Variants in NLGN1 observed in about 807,000 individuals in gnomAD.
The protein encoded by NLGN1 is neuroligin-1.
A neutral mutation model predicts 65.5 loss-of-function variants in NLGN1; 12 were observed. The ratio of observed to expected loss-of-function variants is 0.18; its 90% CI spans 0.12 to 0.30. NLGN1 has a LOEUF of 0.30. Ranked by LOEUF, NLGN1 falls within the 10% of genes least tolerant of loss-of-function variation. The pLI is 1.00. For missense variants in NLGN1, 750 were observed against 1,007.1 expected (o/e 0.74, Z 3.46); for synonymous variants, 350 against 359.5 (o/e 0.97, Z 0.30).
chr3:173,681,580 T>C (rs537437803), intron 3 of NLGN1, among the ~76,000 whole-genome samples: 1 of 152,308 alleles, frequency 6.6e-6, no homozygotes, highest in Non-Finnish European at 1.5e-5. Flanking sequence ...GGGAGAAATC[T>C]GCACATCTTC....
chr3:173,651,531 T>A (rs760332874), intron 3 of NLGN1, among the ~76,000 whole-genome samples: 1 of 152,098 alleles, frequency 6.6e-6, no homozygotes, highest in Non-Finnish European at 1.5e-5. Flanking sequence ...CTTTGAGAAG[T>A]CTTCATACTG....
intron 4 of NLGN1, among the ~76,000 whole-genome samples, chr3:174,074,195 T>C (rs1475844062): frequency 1.3e-5 from 2 of 152,130 alleles, no homozygotes; most frequent in Non-Finnish European, 2.9e-5. Context: ...TGTAAATAAC[T>C]CTCACGTGTT....
rs1031368635 is a variant in NLGN1 at position 173,616,786 on chromosome 3, CT to C, written c.493+11696del. On this transcript the variant is annotated intron_variant, in intron 3 of 6. Transcript: ENST00000457714. ...GTTCTTCCTATTCCCATTCCTGCTT[CT>C]GCAATCTCTTCTACACATAGCAGCC... 2.6e-5 allele frequency among the ~76,000 whole-genome samples: 4 copies of C among 152,206 alleles called. No individual in the cohort carries two copies. In the South Asian group the frequency reaches 6.2e-4, roughly 24 times the overall value.
intron 4 of NLGN1, among the ~76,000 whole-genome samples, chr3:173,871,746 G>T: frequency 6.6e-6 from 1 of 152,200 alleles, no homozygotes; most frequent in East Asian, 1.9e-4. Flanking sequence ...TTCCTGTTTC[G>T]GTTCTTTTTC....
intron 2 of NLGN1, among the ~76,000 whole-genome samples, chr3:173,477,379 GA>G (rs1008925766): frequency 2.0e-5 from 3 of 151,242 alleles, no homozygotes; most frequent in South Asian, 4.2e-4. Context: ...TGTCTCTATG[GA>G]AAAAAAACAA....
intron 3 of NLGN1, among the ~76,000 whole-genome samples, chr3:173,727,393 C>T (rs1199032099): frequency 2.6e-5 from 4 of 152,094 alleles, no homozygotes; most frequent in Non-Finnish European, 5.9e-5. Context: ...TTATAAAGCA[C>T]ATCTTTCAAT....
intron 4 of NLGN1, among the ~76,000 whole-genome samples, chr3:174,043,837 T>G (rs1006399304): frequency 4.6e-5 from 7 of 152,214 alleles, no homozygotes; most frequent in African/African-American, 9.6e-5. Flanking sequence ...GGACGCTGTG[T>G]GGAGTCTTTG....
intron 2 of NLGN1, among the ~76,000 whole-genome samples, chr3:173,551,699 CA>C (rs1740889193): frequency 2.0e-5 from 3 of 152,156 alleles, no homozygotes. Flanking sequence ...GGCAGGGTTG[CA>C]TTGTGATCTT....
chr3:174,102,057 T>TTAA (rs1345092083), intron 4 of NLGN1, among the ~76,000 whole-genome samples: 1 of 152,184 alleles, frequency 6.6e-6, no homozygotes, highest in East Asian at 1.9e-4. Context: ...GAAAGATATG[T>TTAA]ACTTAAAAAT....
intron 3 of NLGN1, among the ~76,000 whole-genome samples, chr3:173,785,078 A>G (rs1443982815): frequency 6.6e-6 from 1 of 152,194 alleles, no homozygotes; most frequent in Non-Finnish European, 1.5e-5. Flanking sequence ...AGACAGACAT[A>G]GATACCCATA....
intron 4 of NLGN1, among the ~76,000 whole-genome samples, chr3:174,203,608 G>A (rs1052690044): frequency 3.3e-5 from 5 of 152,164 alleles, no homozygotes; most frequent in African/African-American, 1.2e-4. Context: ...CCACATCTAT[G>A]AGGAAAATGG....
chr3:173,989,337 T>G (rs1720602553), intron 4 of NLGN1, among the ~76,000 whole-genome samples: 1 of 152,198 alleles, frequency 6.6e-6, no homozygotes, highest in South Asian at 2.1e-4. Context: ...TTGTCCACTA[T>G]AAAGATAACT....
At chr3:173,591,183 A>G (rs1489798560) in intron 2 of NLGN1, among the ~76,000 whole-genome samples, 1 of 152,186 alleles carries the variant, frequency 6.6e-6, no homozygotes, top group Non-Finnish European at 1.5e-5. Flanking sequence ...CCATGTGTAT[A>G]TTAAATTCTT....
chr3:174,109,245 C>A (rs1674654679), intron 4 of NLGN1, among the ~76,000 whole-genome samples: 1 of 151,826 alleles, frequency 6.6e-6, no homozygotes, highest in Non-Finnish European at 1.5e-5. Flanking sequence ...GTAGTGATTT[C>A]TCCTTTTGAG....
At chr3:174,099,521 T>C (rs988202444) in intron 4 of NLGN1, among the ~76,000 whole-genome samples, 10 of 152,154 alleles carry the variant, frequency 6.6e-5, no homozygotes, top group African/African-American at 2.4e-4. Context: ...TGCGTAACAA[T>C]ATTAGTTCTT....
chr3:173,784,493 A>G (rs1251987289), intron 3 of NLGN1, among the ~76,000 whole-genome samples: 1 of 152,136 alleles, frequency 6.6e-6, no homozygotes, highest in East Asian at 1.9e-4. Flanking sequence ...CATGATTCTT[A>G]TATAAATAGG....
intron 3 of NLGN1, among the ~76,000 whole-genome samples, chr3:173,730,326 C>CCT (rs1036638053): frequency 7.3e-6 from 1 of 136,852 alleles, no homozygotes; most frequent in African/African-American, 2.8e-5. Flanking sequence ...CACCGCTCCC[C>CCT]CCCCCCCGCA....
chr3:173,538,285 C>T (rs1047120691), intron 2 of NLGN1, among the ~76,000 whole-genome samples: 8 of 152,150 alleles, frequency 5.3e-5, no homozygotes, highest in Non-Finnish European at 1.2e-4. Context: ...TTTAGAAGAC[C>T]ATTCCACCAT....
Position 173,566,127 on chromosome 3 carries a change from C to T in NLGN1, c.-320-38152C>T, listed in dbSNP as rs539252189. Among the ~76,000 whole-genome samples, 5 of 152,162 alleles carry T rather than the reference C, an allele frequency of 3.3e-5. No individual in the cohort carries two copies. In the South Asian group the frequency reaches 6.2e-4, roughly 19 times the overall value. ...AGCCTGTAATTTTTATACAGCAGTA[C>T]GTTATTATTTCAAATTAACCTAAAA... On this transcript the variant is annotated intron_variant, in intron 2 of 6. Transcript: ENST00000457714.
Sources: allele counts gnomAD v4.1 joint callset (sites outside exome capture counted in the v4.1 genomes callset), GRCh38; gene constraint gnomAD v4.1.1; transcripts MANE v1.5; gene names NCBI Gene and HGNC (gene_info 2026-07-23, HGNC 2026-07-21).